Variants in FNBP1L observed in about 807,000 individuals in gnomAD.
FNBP1L encodes formin-binding protein 1-like.
In FNBP1L, 36 loss-of-function variants were observed where a neutral mutation model predicts 91.2. The ratio of observed to expected loss-of-function variants is 0.39; its 90% CI spans 0.30 to 0.52. The LOEUF is 0.52. Among genes scored for constraint, FNBP1L ranks in the 20% least tolerant of loss-of-function variants. The pLI, the probability that FNBP1L is intolerant of heterozygous loss-of-function variation, is 0.66. For missense variants in FNBP1L, 571 were observed against 732.1 expected, an observed-to-expected ratio of 0.78 and a Z score of 2.54; for synonymous variants, 242 against 237.0, an observed-to-expected ratio of 1.02 and a Z score of -0.19.
At chr1:93,529,548 G>A (rs1409239951) in intron 5 of FNBP1L, 104 bp from the exon 6 acceptor site, 3 of 660,956 alleles carry the variant, frequency 4.5e-6, no homozygotes, top group South Asian at 5.0e-5. Context: ...CCATCAACCC[G>A]TCATCTATGT....
rs375547645 is a variant in FNBP1L, at chr1:93,474,909, A to G, written c.25-24559A>G. Among the ~76,000 whole-genome samples the G allele has an allele frequency of 1.1e-3, 169 of 152,302 alleles. 8 individuals are homozygous for G. In the South Asian group the frequency reaches 0.034, roughly 31 times the overall value. ...TTTGATGTCTTGTTATGAACCTCCA[A>G]TTCCTTAGTAGGAGATATATATATC... is the stretch of plus-strand genomic sequence containing the variant. On this transcript the variant is annotated intron_variant, in intron 1 of 16. Coordinates refer to ENST00000271234, the MANE Select transcript of FNBP1L (RefSeq NM_001164473.3).
intron 14 of FNBP1L, among the ~76,000 whole-genome samples, 170 bp from the exon 15 acceptor site, chr1:93,549,108 G>T (rs747919192): frequency 2.0e-5 from 3 of 151,940 alleles, no homozygotes; most frequent in Non-Finnish European, 4.4e-5. Context: ...GCAGCATTTT[G>T]TATTAGAAGT....
intron 7 of FNBP1L, among the ~76,000 whole-genome samples, chr1:93,531,588 G>GT (rs1438857875): frequency 6.6e-6 from 1 of 152,164 alleles, no homozygotes; most frequent in Admixed American, 6.5e-5. Context: ...TATAAGGCAA[G>GT]TTGGAAATAC....
At chr1:93,538,704 C>T (rs1459162273) in intron 10 of FNBP1L, among the ~76,000 whole-genome samples, 1 of 151,968 alleles carries the variant, frequency 6.6e-6, no homozygotes, top group African/African-American at 2.4e-5. Context: ...TATGTTTTTA[C>T]ATGGAATTTT....
chr1:93,541,154 G>A (rs907054371), intron 11 of FNBP1L, 98 bp downstream of exon 11: 5 of 1,148,940 alleles, frequency 4.4e-6, no homozygotes, highest in Middle Eastern at 1.9e-4. Flanking sequence ...TACATCCCAC[G>A]TTTTCACCTT....
intron 1 of FNBP1L, among the ~76,000 whole-genome samples, chr1:93,484,705 A>G (rs1323875703): frequency 1.3e-5 from 2 of 152,228 alleles, no homozygotes; most frequent in East Asian, 3.8e-4. Flanking sequence ...AGCAAAGGCT[A>G]AACAGTATAA....
chr1:93,463,637 A>G (rs1668973100), intron 1 of FNBP1L, among the ~76,000 whole-genome samples: 2 of 152,014 alleles, frequency 1.3e-5, no homozygotes, highest in South Asian at 4.1e-4. Flanking sequence ...CCTGCCATCC[A>G]TTTGCTTAAT....
chr1:93,501,431 G>A (rs1194251407), intron 2 of FNBP1L, among the ~76,000 whole-genome samples: 1 of 152,096 alleles, frequency 6.6e-6, no homozygotes, highest in Admixed American at 6.6e-5. Flanking sequence ...CAAAGGGGAA[G>A]CGTGGATGTA....
chr1:93,544,982 A>G (rs1429126286), intron 12 of FNBP1L, among the ~76,000 whole-genome samples: 1 of 152,172 alleles, frequency 6.6e-6, no homozygotes, highest in Admixed American at 6.5e-5. Context: ...CTAGGTAGCC[A>G]CTGGTCACAA....
intron 1 of FNBP1L, among the ~76,000 whole-genome samples, chr1:93,491,568 C>T (rs976095286): frequency 2.6e-5 from 4 of 152,084 alleles, no homozygotes; most frequent in African/African-American, 7.2e-5. Flanking sequence ...AAAAAATTTT[C>T]GTTTGTTATC....
chr1:93,487,847 C>T (rs995192265), intron 1 of FNBP1L, among the ~76,000 whole-genome samples: 1 of 152,182 alleles, frequency 6.6e-6, no homozygotes, highest in Non-Finnish European at 1.5e-5. Context: ...TAATTGCAAT[C>T]ATGTCCAGGG....
chr1:93,515,607 C>T (rs1671067384), intron 2 of FNBP1L, among the ~76,000 whole-genome samples: 1 of 151,950 alleles, frequency 6.6e-6, no homozygotes, highest in African/African-American at 2.4e-5. Context: ...GAGTTCATGT[C>T]CTTTGTAGGG....
chr1:93,487,186 G>A (rs1669939830), intron 1 of FNBP1L, among the ~76,000 whole-genome samples: 1 of 152,116 alleles, frequency 6.6e-6, no homozygotes, highest in South Asian at 2.1e-4. Flanking sequence ...TCTCCTCCTT[G>A]AAATAATACA....
At chr1:93,493,163 C>G (rs945358193) in intron 1 of FNBP1L, among the ~76,000 whole-genome samples, 4 of 152,078 alleles carry the variant, frequency 2.6e-5, no homozygotes, top group African/African-American at 7.2e-5. Context: ...ACTTGAGAAG[C>G]TGAGCTGGAA....
chr1:93,546,089 A>C (rs1275502605), intron 12 of FNBP1L, among the ~76,000 whole-genome samples: 1 of 152,124 alleles, frequency 6.6e-6, no homozygotes, highest in Admixed American at 6.5e-5. Flanking sequence ...TCATCCTCCA[A>C]CAAGACTGTA....
Position 93,529,262 on chromosome 1 carries a change from A to G in FNBP1L, c.406-390A>G, listed in dbSNP as rs576358649. Among the ~76,000 whole-genome samples the G allele has an allele frequency of 3.2e-4, 49 of 152,270 alleles. 1 individual carries two copies. In the South Asian group the frequency reaches 0.01, roughly 32 times the overall value. ...TGAGATATATAATAAATATTAACTC[A>G]GTCATGCCTATGTTATTTTTCCTCA... On this transcript the variant is annotated intron_variant, in intron 5 of 16. Coordinates refer to ENST00000271234, the MANE Select transcript of FNBP1L (RefSeq NM_001164473.3).
chr1:93,459,736 T>C (rs994294595), intron 1 of FNBP1L, among the ~76,000 whole-genome samples: 16 of 152,192 alleles, frequency 1.1e-4, no homozygotes, highest in Admixed American at 9.2e-4. Flanking sequence ...ATCCAAAGGA[T>C]AGGAAATTAG....
chr1:93,496,008 G>A (rs1335668098), intron 1 of FNBP1L, among the ~76,000 whole-genome samples: 1 of 152,108 alleles, frequency 6.6e-6, no homozygotes, highest in Admixed American at 6.6e-5. Flanking sequence ...CGTGATTGTG[G>A]AAGCTTGGGA....
rs1383621727 is a variant in FNBP1L, at chr1:93,522,103, C to T, written c.162C>T (p.Cys54=). 1 of 1,524,566 alleles carries T rather than the reference C, an allele frequency of 6.6e-7. No individual in the cohort carries two copies. 94.4% of individuals were successfully genotyped at this position (1,524,566 alleles called of 1,614,324 possible). ...KQLRNLVKKY[C]PKRSSKDEEP... ...ATAGAAATCTGGTTAAGAAGTACTG[C>T]CCCAAACGTTCATCCAAAGATGAAG... The change falls in exon 3 of 17, where the codon TGC becomes TGT. Residue 54 remains cysteine, a synonymous_variant. Coordinates refer to ENST00000271234, the MANE Select transcript of FNBP1L (RefSeq NM_001164473.3).
Sources: allele counts gnomAD v4.1 joint callset (sites outside exome capture counted in the v4.1 genomes callset), GRCh38; gene constraint gnomAD v4.1.1; transcripts MANE v1.5; gene names NCBI Gene and HGNC (gene_info 2026-07-23, HGNC 2026-07-21).